The following MRS2 variants were observed in gnomAD, a reference collection of about 807,000 sequenced individuals.
MRS2 encodes the protein magnesium transporter MRS2.
In MRS2, 40 loss-of-function variants were observed where a neutral mutation model predicts 52.6. The observed-to-expected ratio is 0.76, with a 90% CI of 0.59 to 0.99. The LOEUF (loss-of-function observed/expected upper bound fraction) is 0.99. Among genes scored for constraint, MRS2 ranks in the 50% least tolerant of loss-of-function variants. MRS2 has a pLI of 0.00. For synonymous variants in MRS2, 193 were observed against 195.9 expected, an observed-to-expected ratio of 0.98 and a Z score of 0.13; for missense variants, 472 against 532.7, an observed-to-expected ratio of 0.89 and a Z score of 1.12.
At chr6:24,416,625 A>G (rs1761858916) in intron 7 of MRS2, 112 bp downstream of exon 7, 1 of 712,072 alleles carries the variant, frequency 1.4e-6, no homozygotes, top group Non-Finnish European at 2.5e-6. Flanking sequence ...ACTACAGAAT[A>G]TAGAGATTTT....
At chr6:24,415,353 C>T (rs1425494020) in intron 6 of MRS2, among the ~76,000 whole-genome samples, 190 bp downstream of exon 6, 6 of 151,972 alleles carry the variant, frequency 3.9e-5, no homozygotes, top group Admixed American at 3.3e-4. Flanking sequence ...GGCTCTTTTC[C>T]GTATGTGATC....
Position 24,423,058 on chromosome 6 carries a change from G to A in MRS2, c.1221+8G>A, listed in dbSNP as rs1464151250. 5.0e-6 allele frequency: 8 copies of A among 1,607,410 alleles called. No homozygotes were observed. The highest frequency in any genetic ancestry group is 6.8e-6 in the Non-Finnish European group (8 of 1,174,130). Reference sequence around the variant, plus strand: ...GCTCCATTGCCTCCTATGGTATGAAGGATATGGTTCACGGCGGTATTGTGG... The same window carrying A: ...GCTCCATTGCCTCCTATGGTATGAAAGATATGGTTCACGGCGGTATTGTGG... On this transcript the variant is annotated splice_region_variant and intron_variant, in intron 10 of 10. Transcript: ENST00000378386.
At chr6:24,421,878 G>A (rs1222310787) in intron 9 of MRS2, among the ~76,000 whole-genome samples, 3 of 152,216 alleles carry the variant, frequency 2.0e-5, no homozygotes, top group Non-Finnish European at 4.4e-5. Flanking sequence ...ACTGGGGGTT[G>A]TGGTTCACAC....
rs372663401 is a variant in MRS2 at position 24,405,176 on chromosome 6, C to T, written c.199C>T (p.His67Tyr). 8.6e-5 allele frequency: 138 copies of T among 1,613,144 alleles called. No homozygotes were observed. Among genetic ancestry groups the T allele is most frequent in the Non-Finnish European group, 1.0e-4 (122 of 1,179,222 alleles). The change falls in exon 2 of 11, where the codon CAC (histidine) becomes TAC (tyrosine). Residue 67 changes from histidine (H) to tyrosine (Y), a missense_variant. Physicochemically the swap from His to Tyr is moderately conservative, Grantham distance 83. Transcript: ENST00000378386. ...CTTAATTTATTCTTCAGGTGAAGTG[C>T]ACCGGTTTAGAACCTCTGACGTCTC... ...PDRLRVAGEV[H>Y]RFRTSDVSQA...
In MRS2 at chr6:24,416,380, GTATC is replaced by G. The variant is rs1452865699; in HGVS notation, c.720-13_720-10del. The G allele has an allele frequency of 4.1e-6, 4 of 963,888 alleles. No individual in the cohort carries two copies. Among genetic ancestry groups the G allele is most frequent in the Non-Finnish European group, 6.6e-6 (4 of 606,012 alleles). The allele number at this position is 963,888 out of a possible 1,614,324, so 59.7% of individuals were successfully genotyped here. ...AGTTTATTCTATTGATCATTTTTGTGTATCTATTTCTTATAGTCTATCAGAGTTA... is the reference window on the plus strand; with the variant it reads ...AGTTTATTCTATTGATCATTTTTGTGTATTTCTTATAGTCTATCAGAGTTA... On this transcript the variant is annotated splice_polypyrimidine_tract_variant and intron_variant, in intron 6 of 10. Coordinates refer to ENST00000378386, the MANE Select transcript of MRS2 (RefSeq NM_020662.4).
chr6:24,423,397 G>T (rs999020259), intron 10 of MRS2, 187 bp from the exon 11 acceptor site: 2 of 491,872 alleles, frequency 4.1e-6, no homozygotes, highest in Admixed American at 3.4e-5. Context: ...CATTTATAAC[G>T]TTCTTAAAAG....
rs1762165028 is a variant in MRS2 at position 24,424,583 on chromosome 6, G to C, written c.*889G>C. On this transcript the variant is annotated 3_prime_UTR_variant, in exon 11 of 11. Transcript: ENST00000378386. Reference sequence around the variant, plus strand: ...TATCTTCTCATTTCCACAGAGATTTGGGTTTAAAACAAATGGCTAATATTT... The same window carrying C: ...TATCTTCTCATTTCCACAGAGATTTCGGTTTAAAACAAATGGCTAATATTT... 3 of 152,104 alleles carry C rather than the reference G, an allele frequency of 2.0e-5. No homozygotes were observed. The highest frequency in any genetic ancestry group is 2.0e-4 in the Admixed American group (3 of 15,262). The allele number at this position is 152,104 out of a possible 1,614,324, so 9.4% of individuals were successfully genotyped here. A position where few individuals can be genotyped will look rare whatever the true frequency, so the allele number is the denominator to read the frequency against.
intron 4 of MRS2, among the ~76,000 whole-genome samples, chr6:24,411,459 AT>A (rs1761646600): frequency 6.6e-6 from 1 of 152,220 alleles, no homozygotes; most frequent in Non-Finnish European, 1.5e-5. Flanking sequence ...ACTAATTATG[AT>A]TAAACTAAAT....
intron 5 of MRS2, among the ~76,000 whole-genome samples, chr6:24,413,699 G>T (rs890198049): frequency 7.2e-5 from 11 of 151,828 alleles, no homozygotes. Context: ...TAAACAACAT[G>T]TCTGCAGAGG....
chr6:24,408,109 T>C (rs1453790655), intron 2 of MRS2, among the ~76,000 whole-genome samples: 1 of 152,156 alleles, frequency 6.6e-6, no homozygotes, highest in Non-Finnish European at 1.5e-5. Flanking sequence ...ATTTTTACCA[T>C]AAGGATTGTT....
In MRS2 at chr6:24,423,577, T is replaced by C; in HGVS notation, c.1222-7T>C. ...GATACTAAAATTAATACTTCTGCTT[T>C]ATTTAGATGGCTTCTTTACCTAAAA... On this transcript the variant is annotated splice_region_variant and splice_polypyrimidine_tract_variant and intron_variant, in intron 10 of 10. Coordinates refer to ENST00000378386, the MANE Select transcript of MRS2 (RefSeq NM_020662.4). The C allele has an allele frequency of 6.6e-7, 1 of 1,521,544 alleles. No individual in the cohort carries two copies. The highest frequency in any genetic ancestry group is 9.1e-7 in the Non-Finnish European group (1 of 1,103,042). 94.3% of individuals were successfully genotyped at this position (1,521,544 alleles called of 1,614,324 possible).
At position 24,402,969 on chromosome 6, in the gene MRS2, C is replaced by T. The variant is rs112328336; in HGVS notation, c.-78C>T. On this transcript the variant is annotated 5_prime_UTR_variant, in exon 1 of 11. Coordinates refer to ENST00000378386, the MANE Select transcript of MRS2 (RefSeq NM_020662.4). ...TGCAGGTCGGGCGGTAGCGACAGGT[C>T]AGAGCTGCGGCCTGAGCAGCCAGCG... 779 of 1,388,202 alleles carry T rather than the reference C, an allele frequency of 5.6e-4. 7 individuals are homozygous for T. The African/African-American group carries it at 8.5e-3, about 15-fold the overall frequency. 86.0% of individuals were successfully genotyped at this position (1,388,202 alleles called of 1,614,324 possible).
At chr6:24,419,367 A>G (rs1010736246) in intron 9 of MRS2, 6 of 152,264 alleles carry the variant, frequency 3.9e-5, no homozygotes, top group Non-Finnish European at 5.9e-5. Context: ...AGCCTAGGTT[A>G]CTTTGTTTCC....
chr6:24,419,441 T>TGA (rs1354287315), intron 9 of MRS2, among the ~76,000 whole-genome samples: 1 of 152,198 alleles, frequency 6.6e-6, no homozygotes, highest in African/African-American at 2.4e-5. Context: ...GCAGTGTTAA[T>TGA]GAAGAGTTTT....
At chr6:24,403,363 T>A in intron 1 of MRS2, 127 bp downstream of exon 1, 1 of 931,198 alleles carries the variant, frequency 1.1e-6, no homozygotes, top group East Asian at 2.8e-5. Context: ...CTCCCGCGTG[T>A]CCTGTGAGCT....
In MRS2 at chr6:24,402,944, T is replaced by G. The variant is rs940293977; in HGVS notation, c.-103T>G. The G allele has an allele frequency of 1.8e-6, 2 of 1,115,610 alleles. No individual in the cohort carries two copies. The highest frequency in any genetic ancestry group is 2.5e-6 in the Non-Finnish European group (2 of 794,434). The allele number at this position is 1,115,610 out of a possible 1,614,324, so 69.1% of individuals were successfully genotyped here. A position where few individuals can be genotyped will look rare whatever the true frequency, so the allele number is the denominator to read the frequency against. ...CCGCGCATGCCTGGTGCACAGAGTC[T>G]GCAGGTCGGGCGGTAGCGACAGGTC... is the stretch of plus-strand genomic sequence containing the variant. On this transcript the variant is annotated 5_prime_UTR_variant, in exon 1 of 11. Coordinates refer to ENST00000378386, the MANE Select transcript of MRS2 (RefSeq NM_020662.4).
intron 6 of MRS2, 61 bp downstream of exon 6, chr6:24,415,224 A>G: frequency 5.4e-6 from 8 of 1,480,028 alleles, no homozygotes; most frequent in Non-Finnish European, 7.3e-6. Context: ...ATCAATTATT[A>G]ACATTTTGTT....
At chr6:24,416,866 A>G (rs1188107203) in intron 7 of MRS2, among the ~76,000 whole-genome samples, 2 of 152,248 alleles carry the variant, frequency 1.3e-5, no homozygotes, top group East Asian at 3.8e-4. Flanking sequence ...AGATGGGGTA[A>G]ATACACGAGT....
Position 24,418,520 on chromosome 6 carries a change from C to T in MRS2, c.1049C>T (p.Ser350Leu), listed in dbSNP as rs1433626630. 2 of 1,613,996 alleles carry T rather than the reference C, an allele frequency of 1.2e-6. No individual in the cohort carries two copies. The highest frequency in any genetic ancestry group is 3.3e-5 in the Admixed American group (2 of 60,006). ...CTGACCATGGGAACCTTCTCTCTTT[C>T]GCTCTTTGGACTAATGGGAGTTGCT... ...LQLTMGTFSL[S>L]LFGLMGVAFG... Residue 350 changes from serine (S) to leucine (L), a missense_variant, in exon 9 of 11, where the codon TCG becomes TTG. Physicochemically the swap from Ser to Leu is moderately radical, Grantham distance 145 (BLOSUM62 -2). Transcript: ENST00000378386.
Sources: gnomAD v4.1 joint callset for allele counts (sites outside exome capture counted in the v4.1 genomes callset) on GRCh38, gnomAD v4.1.1 for gene constraint, MANE v1.5 for transcripts, NCBI Gene and HGNC (gene_info 2026-07-23, HGNC 2026-07-21) for gene names.